Variants in USP53 observed in about 807,000 individuals in gnomAD.
The protein encoded by USP53 is ubiquitin specific peptidase 53, also known as ubiquitin carboxyl-terminal hydrolase 53.
A neutral mutation model predicts 94.9 loss-of-function variants in USP53; 71 were observed. That is an observed-to-expected ratio of 0.75 (90% CI 0.62 to 0.91). The LOEUF (loss-of-function observed/expected upper bound fraction) is 0.91, where lower values mean the gene tolerates loss of function less well. Ranked by LOEUF, USP53 falls within the 40% of genes least tolerant of loss-of-function variation. The pLI is 0.00. For missense variants in USP53, 1,173 were observed against 1,281.0 expected (o/e 0.92, Z 1.29); for synonymous variants, 375 against 422.7 (o/e 0.89, Z 1.39).
rs1220340725 is a variant in USP53 at position 119,291,221 on chromosome 4, C to A, written c.2308C>A (p.Pro770Thr). The A allele has an allele frequency of 1.4e-5, 23 of 1,597,002 alleles. No homozygotes were observed. The highest frequency in any genetic ancestry group is 2.0e-5 in the Non-Finnish European group (23 of 1,171,886). Residue 770 changes from proline to threonine, a missense_variant, in exon 18 of 19, where the codon CCA (proline) becomes ACA (threonine). Physicochemically the swap from Pro to Thr is conservative, Grantham distance 38. Transcript: ENST00000692078. The part of the protein sequence containing the change: ...EAGYKSHEFH[P>T]ESHLQIKNHL... ...AGGCTATAAATCTCATGAATTCCACCCAGAATCACATTTACAAATAAAAAA... is the reference window on the plus strand; with the variant it reads ...AGGCTATAAATCTCATGAATTCCACACAGAATCACATTTACAAATAAAAAA...
intron 13 of USP53, 55 bp downstream of exon 13, chr4:119,267,537 G>T: frequency 2.0e-6 from 3 of 1,509,846 alleles, no homozygotes; most frequent in Non-Finnish European, 2.7e-6. Flanking sequence ...AGTCAACTAG[G>T]AATACTAGTA....
At chr4:119,292,001 TTC>T (rs1754816784) in intron 18 of USP53, among the ~76,000 whole-genome samples, 1 of 152,166 alleles carries the variant, frequency 6.6e-6, no homozygotes. Flanking sequence ...TGTTAACACT[TTC>T]CTCAAGTTCT....
chr4:119,258,329 T>C (rs899994338), intron 9 of USP53, among the ~76,000 whole-genome samples: 2 of 152,200 alleles, frequency 1.3e-5, no homozygotes, highest in Non-Finnish European at 2.9e-5. Context: ...TTTGGATGGG[T>C]ACATTTAGTT....
rs936168067 is a variant in USP53 at position 119,259,902 on chromosome 4, A to G, written c.652A>G (p.Thr218Ala). Residue 218 changes from threonine (T) to alanine (A), a missense_variant, in exon 10 of 19, where the codon ACA (threonine) becomes GCA (alanine). Coordinates refer to ENST00000692078, the MANE Select transcript of USP53 (RefSeq NM_001371395.1). Reference protein sequence around the residue: ...FAELLQAANTTDDYRKCPSNC... With the variant: ...FAELLQAANTADDYRKCPSNC... ...AGAATTGCTACAAGCAGCAAATACA[A>G]CAGATGACTATAGGAAATGTCCTGT... The G allele has an allele frequency of 1.2e-6, 2 of 1,611,158 alleles. No homozygotes were observed. Among genetic ancestry groups the G allele is most frequent in the Non-Finnish European group, 1.7e-6 (2 of 1,178,590 alleles).
intron 4 of USP53, among the ~76,000 whole-genome samples, chr4:119,238,279 T>TGAACACCTAGGGGCC (rs1747052371): frequency 6.6e-6 from 1 of 152,132 alleles, no homozygotes; most frequent in Admixed American, 6.5e-5. Flanking sequence ...TCCTTTTACT[T>TGAACACCTAGGGGCC]GAACACCTAG....
intron 17 of USP53, among the ~76,000 whole-genome samples, chr4:119,285,569 A>T (rs76969560): frequency 0.22 from 32,864 of 151,720 alleles, 4,075 homozygotes; most frequent in South Asian, 0.32. Flanking sequence ...TCTTGTACAA[A>T]TAGTCTGTAC....
chr4:119,238,876 G>A (rs1747150681), intron 4 of USP53, among the ~76,000 whole-genome samples: 1 of 152,192 alleles, frequency 6.6e-6, no homozygotes, highest in African/African-American at 2.4e-5. Flanking sequence ...GGAAAAATAT[G>A]ATTCTATGTA....
intron 17 of USP53, among the ~76,000 whole-genome samples, chr4:119,278,239 C>T (rs1208565392): frequency 1.3e-4 from 19 of 150,054 alleles, no homozygotes; most frequent in Non-Finnish European, 1.9e-4. Flanking sequence ...CGGCTGGTAC[C>T]GGTTGTTCCT....
chr4:119,244,782 G>GT (rs1351379148), intron 5 of USP53, among the ~76,000 whole-genome samples: 31 of 152,094 alleles, frequency 2.0e-4, no homozygotes, highest in Non-Finnish European at 4.4e-5. Flanking sequence ...ATATACTTAG[G>GT]TAATTTATTA....
At chr4:119,292,014 A>G (rs562699450) in intron 18 of USP53, among the ~76,000 whole-genome samples, 1 of 152,266 alleles carries the variant, frequency 6.6e-6, no homozygotes, top group Admixed American at 6.5e-5. Flanking sequence ...CTCAAGTTCT[A>G]TATATTGTTA....
At chr4:119,223,412 T>C (rs1052934790) in intron 3 of USP53, among the ~76,000 whole-genome samples, 1 of 152,206 alleles carries the variant, frequency 6.6e-6, no homozygotes, top group African/African-American at 2.4e-5. Flanking sequence ...GTAAATTAAT[T>C]CCTTTAAATC....
At chr4:119,244,271 T>C (rs1157848558) in intron 5 of USP53, among the ~76,000 whole-genome samples, 1 of 152,214 alleles carries the variant, frequency 6.6e-6, no homozygotes, top group Non-Finnish European at 1.5e-5. Flanking sequence ...ATGGATCCTA[T>C]TCATTATGCT....
chr4:119,249,826 G>A (rs760930612), intron 7 of USP53, among the ~76,000 whole-genome samples: 50 of 151,752 alleles, frequency 3.3e-4, no homozygotes, highest in African/African-American at 1.2e-3. Flanking sequence ...CACCATGCCC[G>A]GCTAATTTTT....
At chr4:119,218,260 C>T (rs936631743) in intron 3 of USP53, 4 of 152,152 alleles carry the variant, frequency 2.6e-5, no homozygotes, top group African/African-American at 7.2e-5. Flanking sequence ...CAGTCTGGGG[C>T]TTTGTCAAGG....
chr4:119,268,040 G>A (rs1290811269), intron 13 of USP53, among the ~76,000 whole-genome samples: 5 of 151,998 alleles, frequency 3.3e-5, no homozygotes, highest in African/African-American at 7.2e-5. Context: ...GGTGGCGGGC[G>A]CCTGTAGTCC....
chr4:119,282,001 A>AC (rs1753563404), intron 17 of USP53, among the ~76,000 whole-genome samples: 2 of 151,766 alleles, frequency 1.3e-5, no homozygotes, highest in South Asian at 4.2e-4. Context: ...CTTGGCAATC[A>AC]CCATTCTACT....
At chr4:119,230,767 G>A (rs1374149412) in intron 3 of USP53, among the ~76,000 whole-genome samples, 1 of 152,176 alleles carries the variant, frequency 6.6e-6, no homozygotes, top group Non-Finnish European at 1.5e-5. Flanking sequence ...AACTGGAAGT[G>A]GGGAGCCAAC....
In USP53 at chr4:119,239,798, T is replaced by G. The variant is rs375688789; in HGVS notation, c.39T>G (p.Asn13Lys). 31 of 1,611,754 alleles carry G rather than the reference T, an allele frequency of 1.9e-5. No homozygotes were observed. The highest frequency in any genetic ancestry group is 4.0e-5 in the African/African-American group (3 of 74,836). The change falls in exon 5 of 19, where the codon AAT (asparagine) becomes AAG (lysine). Residue 13 changes from asparagine (N) to lysine (K), a missense_variant. Transcript: ENST00000692078. ...AATTCTTACGGAAACCTGGTGGCAA[T>G]CTTGGAAAAGTTTATCAGCCTGGAA... ...WVKFLRKPGG[N>K]LGKVYQPGSM...
rs1185796227 is a variant in USP53 at position 119,271,736 on chromosome 4, A to G, written c.1876A>G (p.Ser626Gly). The change falls in exon 16 of 19, where the codon AGT becomes GGT. Residue 626 changes from serine (S) to glycine (G), a missense_variant. By Grantham distance (56) the Ser-to-Gly change is moderately conservative. Coordinates refer to ENST00000692078, the MANE Select transcript of USP53 (RefSeq NM_001371395.1). ...TAAATCTAGCAAGGATCCGAGTTTTAGTAATTGGCCAAAAGAGAATCCAAA... is the reference window on the plus strand; with the variant it reads ...TAAATCTAGCAAGGATCCGAGTTTTGGTAATTGGCCAAAAGAGAATCCAAA... Reference protein sequence around the residue: ...KPKSSKDPSFSNWPKENPKQK... With the variant: ...KPKSSKDPSFGNWPKENPKQK... 6.2e-7 allele frequency: 1 copy of G among 1,614,020 alleles called. No homozygotes were observed. Among genetic ancestry groups the G allele is most frequent in the Admixed American group, 1.7e-5 (1 of 59,996 alleles).
Sources: allele counts gnomAD v4.1 joint callset (sites outside exome capture counted in the v4.1 genomes callset), GRCh38; gene constraint gnomAD v4.1.1; transcripts MANE v1.5; gene names NCBI Gene and HGNC (gene_info 2026-07-23, HGNC 2026-07-21).